The following DPP10 variants were observed in gnomAD, a reference collection of about 807,000 sequenced individuals.
The protein encoded by DPP10 is inactive dipeptidyl peptidase 10.
Under a neutral mutation model 120.9 loss-of-function variants are expected in DPP10, and 33 were observed. The ratio of observed to expected loss-of-function variants is 0.27; its 90% CI spans 0.21 to 0.37. DPP10 has a LOEUF of 0.37. Among genes scored for constraint, DPP10 ranks in the 10% least tolerant of loss-of-function variants. The pLI is 1.00. For missense variants in DPP10, 816 were observed against 942.8 expected (o/e 0.87, Z 1.76); for synonymous variants, 337 against 326.1 (o/e 1.03, Z -0.36).
At chr2:114,730,392 C>T (rs1200891734) in intron 1 of DPP10, among the ~76,000 whole-genome samples, 1 of 152,126 alleles carries the variant, frequency 6.6e-6, no homozygotes, top group Non-Finnish European at 1.5e-5. Context: ...TTCTCAGAGG[C>T]CTTCAGGAGG....
At chr2:115,438,806 A>G (rs2071749589) in intron 3 of DPP10, among the ~76,000 whole-genome samples, 1 of 147,504 alleles carries the variant, frequency 6.8e-6, no homozygotes, top group African/African-American at 2.5e-5. Context: ...TAAGATGGTC[A>G]TGGAAGCACA....
At chr2:115,376,336 T>C (rs779078977) in intron 3 of DPP10, among the ~76,000 whole-genome samples, 1 of 152,148 alleles carries the variant, frequency 6.6e-6, no homozygotes, top group African/African-American at 2.4e-5. Context: ...ATTTTGAGTT[T>C]TGCCCTTCAT....
rs554841404 is a variant in DPP10 at position 115,097,488 on chromosome 2, T to A, written c.61-211751T>A. 7.2e-5 allele frequency among the ~76,000 whole-genome samples: 11 copies of A among 152,294 alleles called. No homozygotes were observed. In the East Asian group the frequency reaches 2.1e-3, roughly 29 times the overall value. On this transcript the variant is annotated intron_variant, in intron 1 of 25. Transcript: ENST00000410059. ...CTGTGATTGGCTAGTTAACAAACTATAAAATGAACATGTAATACATTAATC... is the reference window on the plus strand; with the variant it reads ...CTGTGATTGGCTAGTTAACAAACTAAAAAATGAACATGTAATACATTAATC...
chr2:115,483,975 G>T lies in DPP10; in HGVS notation c.272-15535G>T, dbSNP rs190922981. Among the ~76,000 whole-genome samples, 270 of 152,096 alleles carry T rather than the reference G, an allele frequency of 1.8e-3. 1 individual carries two copies. Among genetic ancestry groups the T allele is most frequent in the African/African-American group, 6.3e-3 (260 of 41,494 alleles). ...TTCTCCTGGCAAGCTTCCTCAATGG[G>T]CATCGAATATCTTGAGATTTCAGAC... On this transcript the variant is annotated intron_variant, in intron 3 of 25. Coordinates refer to ENST00000410059, the MANE Select transcript of DPP10 (RefSeq NM_020868.6).
Position 115,837,163 on chromosome 2 carries a change from C to G in DPP10, c.2182+417C>G, listed in dbSNP as rs772125743. Among the ~76,000 whole-genome samples the G allele has an allele frequency of 2.6e-5, 4 of 152,246 alleles. No homozygotes were observed. The South Asian group carries it at 8.3e-4, about 32-fold the overall frequency. ...TGGAAACCAACCTGGAAAACAGAAA[C>G]CAAAAAGCTGCAAGCACTGACATGA... On this transcript the variant is annotated intron_variant, in intron 24 of 25. Transcript: ENST00000410059.
At chr2:114,565,941 A>G (rs1035668347) in intron 1 of DPP10, among the ~76,000 whole-genome samples, 4 of 152,222 alleles carry the variant, frequency 2.6e-5, no homozygotes, top group African/African-American at 7.2e-5. Flanking sequence ...TGTGTTCCAG[A>G]CACTATTCTG....
At chr2:115,815,038 G>C (rs748690262) in intron 20 of DPP10, 51 bp downstream of exon 20, 2 of 1,503,254 alleles carry the variant, frequency 1.3e-6, no homozygotes, top group South Asian at 1.4e-5. Context: ...ACAGAGTCTT[G>C]GTATATGACA....
At chr2:115,546,824 CAG>C (rs1057074048) in intron 5 of DPP10, among the ~76,000 whole-genome samples, 26 of 152,070 alleles carry the variant, frequency 1.7e-4, no homozygotes, top group Admixed American at 8.5e-4. Context: ...CTTGGGAAAA[CAG>C]ACATTTTCCC....
At chr2:114,938,266 A>T (rs1472924435) in intron 1 of DPP10, among the ~76,000 whole-genome samples, 1 of 152,192 alleles carries the variant, frequency 6.6e-6, no homozygotes, top group Non-Finnish European at 1.5e-5. Context: ...TTTTTCTAAA[A>T]TATGATATTA....
intron 5 of DPP10, among the ~76,000 whole-genome samples, chr2:115,681,562 G>A (rs1417196309): frequency 6.6e-6 from 1 of 151,662 alleles, no homozygotes; most frequent in Non-Finnish European, 1.5e-5. Context: ...CTTAGCCTCA[G>A]GTAATAACCA....
intron 1 of DPP10, among the ~76,000 whole-genome samples, chr2:114,843,212 C>G (rs139232964): frequency 3.1e-3 from 466 of 152,190 alleles, no homozygotes; most frequent in African/African-American, 0.011. Flanking sequence ...GATGGTACTA[C>G]TTATCTGATT....
At chr2:115,565,417 A>G (rs778607318) in intron 5 of DPP10, among the ~76,000 whole-genome samples, 12 of 152,306 alleles carry the variant, frequency 7.9e-5, no homozygotes, top group Admixed American at 2.6e-4. Context: ...TTGTTTATTT[A>G]TCAATGGCAT....
intron 1 of DPP10, among the ~76,000 whole-genome samples, chr2:114,688,331 AAGT>A (rs1391593748): frequency 6.6e-6 from 1 of 151,950 alleles, no homozygotes; most frequent in Non-Finnish European, 1.5e-5. Context: ...AATTCTGTAA[AAGT>A]AGAGTAATAA....
At chr2:114,886,084 A>C (rs1018504823) in intron 1 of DPP10, among the ~76,000 whole-genome samples, 7 of 152,226 alleles carry the variant, frequency 4.6e-5, no homozygotes, top group South Asian at 2.1e-4. Flanking sequence ...AATTTAATCA[A>C]ATGATCTTAC....
chr2:115,650,889 G>A (rs1283424892), intron 5 of DPP10, among the ~76,000 whole-genome samples: 2 of 151,906 alleles, frequency 1.3e-5, no homozygotes, highest in African/African-American at 4.8e-5. Context: ...TCCAACGAAG[G>A]GAAGAGAAAG....
chr2:115,680,931 G>T (rs1353732533), intron 5 of DPP10, among the ~76,000 whole-genome samples: 1 of 151,880 alleles, frequency 6.6e-6, no homozygotes, highest in Non-Finnish European at 1.5e-5. Context: ...AAACACAAGT[G>T]ATTACAGCTT....
intron 3 of DPP10, among the ~76,000 whole-genome samples, chr2:115,348,583 T>C (rs1201888980): frequency 7.2e-5 from 11 of 152,154 alleles, no homozygotes; most frequent in Non-Finnish European, 1.5e-5. Context: ...CTCAGGATAT[T>C]CATTTTGAGC....
At chr2:115,436,740 A>T (rs748139088) in intron 3 of DPP10, among the ~76,000 whole-genome samples, 2 of 151,934 alleles carry the variant, frequency 1.3e-5, no homozygotes, top group African/African-American at 4.8e-5. Flanking sequence ...AAAAATATGG[A>T]AAGCTATTGG....
intron 1 of DPP10, among the ~76,000 whole-genome samples, chr2:114,746,010 G>A (rs953886859): frequency 1.6e-4 from 24 of 152,310 alleles, no homozygotes; most frequent in African/African-American, 5.5e-4. Flanking sequence ...AGAGAAGGGA[G>A]CCCCTAACAA....
Sources: allele counts gnomAD v4.1 joint callset (sites outside exome capture counted in the v4.1 genomes callset), GRCh38; gene constraint gnomAD v4.1.1; transcripts MANE v1.5; gene names NCBI Gene and HGNC (gene_info 2026-07-23, HGNC 2026-07-21).